Variants in ROBO1 observed in about 807,000 individuals in gnomAD.
ROBO1 encodes roundabout guidance receptor 1.
Under a neutral mutation model 195.9 loss-of-function variants are expected in ROBO1, and 149 were observed. The observed-to-expected ratio is 0.76, with a 90% CI of 0.67 to 0.87. The LOEUF (loss-of-function observed/expected upper bound fraction) is 0.87, where lower values mean the gene tolerates loss of function less well. Among genes scored for constraint, ROBO1 ranks in the 40% least tolerant of loss-of-function variants. The pLI is 0.00. For synonymous variants in ROBO1, 816 were observed against 733.2 expected, an observed-to-expected ratio of 1.11 and a Z score of -1.82; for missense variants, 1,933 against 2,068.3, an observed-to-expected ratio of 0.93 and a Z score of 1.27.
chr3:79,582,175 T>C (rs1943682906), intron 2 of ROBO1, among the ~76,000 whole-genome samples: 1 of 151,744 alleles, frequency 6.6e-6, no homozygotes, highest in Non-Finnish European at 1.5e-5. Flanking sequence ...TTCTATACAA[T>C]ATTTAGAATC....
chr3:79,204,408 C>T (rs2081827175), intron 2 of ROBO1, among the ~76,000 whole-genome samples: 1 of 151,824 alleles, frequency 6.6e-6, no homozygotes, highest in Non-Finnish European at 1.5e-5. Context: ...ATGAGGTATT[C>T]TTTAGTGTGT....
At chr3:78,883,880 C>T (rs2036337180) in intron 4 of ROBO1, among the ~76,000 whole-genome samples, 1 of 151,976 alleles carries the variant, frequency 6.6e-6, no homozygotes, top group African/African-American at 2.4e-5. Context: ...AATGAGAGGC[C>T]TGAAATTCAG....
At chr3:79,389,796 GA>G (rs2036881543) in intron 2 of ROBO1, among the ~76,000 whole-genome samples, 1 of 151,790 alleles carries the variant, frequency 6.6e-6, no homozygotes, top group Non-Finnish European at 1.5e-5. Context: ...AGCTGTGTTT[GA>G]AAAAAAACAG....
intron 2 of ROBO1, among the ~76,000 whole-genome samples, chr3:79,501,867 T>C (rs1420498972): frequency 6.6e-6 from 1 of 152,262 alleles, no homozygotes; most frequent in Non-Finnish European, 1.5e-5. Context: ...CAGTTTTGAC[T>C]GTATTGAACA....
At chr3:79,306,240 T>C (rs902803935) in intron 2 of ROBO1, among the ~76,000 whole-genome samples, 2 of 152,208 alleles carry the variant, frequency 1.3e-5, no homozygotes, top group Non-Finnish European at 2.9e-5. Context: ...TTCTACTACA[T>C]ACAGTCAACA....
chr3:79,274,571 C>G (rs1291999569), intron 2 of ROBO1, among the ~76,000 whole-genome samples: 1 of 151,806 alleles, frequency 6.6e-6, no homozygotes, highest in African/African-American at 2.4e-5. Flanking sequence ...AATAAACCAT[C>G]TAATGATGCA....
At chr3:78,786,703 C>A (rs934913980) in intron 4 of ROBO1, among the ~76,000 whole-genome samples, 1 of 152,120 alleles carries the variant, frequency 6.6e-6, no homozygotes, top group Non-Finnish European at 1.5e-5. Context: ...TGTTCTCTTG[C>A]CTGCTGCCAT....
intron 1 of ROBO1, among the ~76,000 whole-genome samples, chr3:79,677,764 C>T (rs1407473840): frequency 6.6e-6 from 1 of 152,068 alleles, no homozygotes; most frequent in Non-Finnish European, 1.5e-5. Flanking sequence ...TTAAAGATAT[C>T]AATTTTGCCA....
intron 1 of ROBO1, among the ~76,000 whole-genome samples, chr3:79,725,418 A>G (rs374073849): frequency 6.6e-6 from 1 of 151,354 alleles, no homozygotes; most frequent in East Asian, 2.0e-4. Flanking sequence ...AGTAGAGACG[A>G]GGTTTCACCG....
chr3:78,981,689 T>A (rs1245089686), intron 3 of ROBO1, among the ~76,000 whole-genome samples: 3 of 151,692 alleles, frequency 2.0e-5, no homozygotes, highest in Admixed American at 2.0e-4. Flanking sequence ...ACTGAGCACT[T>A]TTGGATTAAA....
At chr3:78,717,922 C>T (rs2108077654) in intron 5 of ROBO1, 39 bp from the exon 6 acceptor site, 1 of 1,604,610 alleles carries the variant, frequency 6.2e-7, no homozygotes, top group Non-Finnish European at 8.5e-7. Context: ...ATTAAAATTG[C>T]TTCAGCTATG....
chr3:78,799,615 AC>A (rs2084302254), intron 4 of ROBO1, among the ~76,000 whole-genome samples: 1 of 152,106 alleles, frequency 6.6e-6, no homozygotes, highest in Admixed American at 6.6e-5. Flanking sequence ...TGCTGGGATT[AC>A]AGGCGTGAGC....
At chr3:79,683,901 T>C (rs527566287) in intron 1 of ROBO1, among the ~76,000 whole-genome samples, 18 of 152,286 alleles carry the variant, frequency 1.2e-4, no homozygotes, top group Admixed American at 3.9e-4. Flanking sequence ...AATAATACTC[T>C]TATGAATATT....
chr3:78,856,223 T>A (rs1394768410), intron 4 of ROBO1, among the ~76,000 whole-genome samples: 1 of 146,654 alleles, frequency 6.8e-6, no homozygotes, highest in African/African-American at 2.5e-5. Context: ...CATTTTTACA[T>A]GGAACACAAA....
intron 1 of ROBO1, among the ~76,000 whole-genome samples, chr3:79,747,184 G>A (rs1024468232): frequency 3.3e-5 from 5 of 152,012 alleles, no homozygotes; most frequent in Non-Finnish European, 4.4e-5. Context: ...TAGAGAGAAT[G>A]CTAGCTGAAA....
chr3:79,693,697 C>T (rs2107102469), intron 1 of ROBO1, among the ~76,000 whole-genome samples: 1 of 151,870 alleles, frequency 6.6e-6, no homozygotes, highest in Admixed American at 6.6e-5. Context: ...TTCGACCTTC[C>T]AAAGCACTGG....
At chr3:79,593,075 C>A (rs1018142360) in intron 1 of ROBO1, among the ~76,000 whole-genome samples, 3 of 152,056 alleles carry the variant, frequency 2.0e-5, no homozygotes, top group South Asian at 4.1e-4. Context: ...TTTTTCTTTT[C>A]ATGTCTTGAT....
At chr3:79,004,863 T>C (rs2077585104) in intron 3 of ROBO1, among the ~76,000 whole-genome samples, 1 of 152,170 alleles carries the variant, frequency 6.6e-6, no homozygotes, top group South Asian at 2.1e-4. Context: ...ATTCTATTTC[T>C]ATGGTTCACA....
At chr3:79,603,532 C>T (rs539665524) in intron 1 of ROBO1, among the ~76,000 whole-genome samples, 2 of 152,074 alleles carry the variant, frequency 1.3e-5, no homozygotes, top group South Asian at 2.1e-4. Context: ...GCTGATCTAA[C>T]CTGCGAGTGT....
Sources: gnomAD v4.1 joint callset for allele counts (sites outside exome capture counted in the v4.1 genomes callset) on GRCh38, gnomAD v4.1.1 for gene constraint, MANE v1.5 for transcripts, NCBI Gene and HGNC (gene_info 2026-07-23, HGNC 2026-07-21) for gene names.